The following MSRA variants were observed in gnomAD, a reference collection of about 807,000 sequenced individuals.
MSRA encodes mitochondrial peptide methionine sulfoxide reductase.
In MSRA, 54 loss-of-function variants were observed where a neutral mutation model predicts 31.3. The ratio of observed to expected loss-of-function variants is 1.73; its 90% CI spans 1.39 to 2.17. The LOEUF (loss-of-function observed/expected upper bound fraction) is 2.17, where lower values mean the gene tolerates loss of function less well. Ranked by LOEUF, MSRA falls within the 30% of genes most tolerant of loss-of-function variation. The probability of loss-of-function intolerance (pLI) is 0.00; values close to 1 mark genes in which losing one functional copy is unlikely to be tolerated. For synonymous variants in MSRA, 169 were observed against 116.5 expected (o/e 1.45, Z -2.90); for missense variants, 507 against 300.9 (o/e 1.69, Z -5.07).
At chr8:10,260,075 C>T (rs551671235) in intron 3 of MSRA, among the ~76,000 whole-genome samples, 33 of 152,260 alleles carry the variant, frequency 2.2e-4, no homozygotes, top group Admixed American at 1.5e-3. Context: ...TTCGGTTGGA[C>T]GGGACATAAA....
At position 10,327,681 on chromosome 8, in the gene MSRA, C is replaced by G. The variant is rs1054538395; in HGVS notation, c.543+7692C>G. 1.2e-4 allele frequency among the ~76,000 whole-genome samples: 18 copies of G among 152,066 alleles called. 1 individual carries two copies. The highest frequency in any genetic ancestry group is 2.9e-5 in the Non-Finnish European group (2 of 68,044). On this transcript the variant is annotated intron_variant, in intron 5 of 5. Transcript: ENST00000317173. Reference sequence around the variant, plus strand: ...GGGCACGGTGGCTCACGCCTGTAATCCCAGCACTTTGGGAAGCCAAGGCAG... The same window carrying G: ...GGGCACGGTGGCTCACGCCTGTAATGCCAGCACTTTGGGAAGCCAAGGCAG...
chr8:10,135,719 G>C (rs1488338560), intron 1 of MSRA, among the ~76,000 whole-genome samples: 1 of 152,146 alleles, frequency 6.6e-6, no homozygotes, highest in Non-Finnish European at 1.5e-5. Context: ...CCATTTTTAT[G>C]GGCAAAGAGA....
At chr8:10,306,077 A>G (rs1305472491) in intron 4 of MSRA, among the ~76,000 whole-genome samples, 3 of 152,180 alleles carry the variant, frequency 2.0e-5, no homozygotes, top group African/African-American at 7.2e-5. Context: ...TGGCAGGTGT[A>G]CATTCCTGGC....
intron 1 of MSRA, among the ~76,000 whole-genome samples, chr8:10,166,264 A>G (rs1050371519): frequency 2.0e-4 from 30 of 152,124 alleles, no homozygotes; most frequent in African/African-American, 6.8e-4. Context: ...AACTCAGAAT[A>G]TTATTAATGA....
chr8:10,229,429 A>G (rs1811274338), intron 2 of MSRA, among the ~76,000 whole-genome samples: 2 of 152,150 alleles, frequency 1.3e-5, no homozygotes, highest in Non-Finnish European at 2.9e-5. Context: ...AGGCTGCAGT[A>G]TGGTACGTTT....
At chr8:10,364,237 G>C (rs560034258) in intron 5 of MSRA, among the ~76,000 whole-genome samples, 1 of 152,134 alleles carries the variant, frequency 6.6e-6, no homozygotes, top group African/African-American at 2.4e-5. Context: ...CAGTCATTTC[G>C]GACTGTGGTG....
intron 2 of MSRA, among the ~76,000 whole-genome samples, chr8:10,240,754 C>G (rs1041737952): frequency 2.6e-5 from 4 of 152,130 alleles, no homozygotes; most frequent in African/African-American, 7.2e-5. Context: ...CCTGGCCACT[C>G]TAGAGTAAGG....
At chr8:10,322,492 G>T (rs1415603255) in intron 5 of MSRA, among the ~76,000 whole-genome samples, 3 of 152,130 alleles carry the variant, frequency 2.0e-5, no homozygotes, top group African/African-American at 7.2e-5. Context: ...GTGATTTTTT[G>T]TACAAGTGTA....
intron 1 of MSRA, among the ~76,000 whole-genome samples, chr8:10,124,025 A>G (rs986364789): frequency 1.8e-4 from 27 of 151,884 alleles, no homozygotes; most frequent in South Asian, 4.2e-4. Flanking sequence ...AGGTTGGGGA[A>G]TGGCCCTTTG....
At chr8:10,124,425 T>G (rs1474898079) in intron 1 of MSRA, among the ~76,000 whole-genome samples, 3 of 152,210 alleles carry the variant, frequency 2.0e-5, no homozygotes, top group African/African-American at 4.8e-5. Flanking sequence ...AGCACAAAAT[T>G]TGTGCTTTTG....
chr8:10,222,529 T>C (rs1563236161), intron 2 of MSRA, among the ~76,000 whole-genome samples: 1 of 152,108 alleles, frequency 6.6e-6, no homozygotes, highest in Non-Finnish European at 1.5e-5. Context: ...GAAATCACTA[T>C]CTCAGAGATA....
chr8:10,284,365 G>T (rs944070864), intron 3 of MSRA, among the ~76,000 whole-genome samples: 5 of 151,158 alleles, frequency 3.3e-5, no homozygotes, highest in African/African-American at 1.2e-4. Context: ...ATTTTTTTTT[G>T]GATTTTTACT....
intron 3 of MSRA, among the ~76,000 whole-genome samples, chr8:10,271,314 C>T (rs1799025604): frequency 1.3e-5 from 2 of 152,106 alleles, no homozygotes; most frequent in South Asian, 4.1e-4. Flanking sequence ...ATTTGGGATA[C>T]ACTAAGGACA....
chr8:10,393,017 G>T (rs1337656146), intron 5 of MSRA, among the ~76,000 whole-genome samples: 1 of 144,764 alleles, frequency 6.9e-6, no homozygotes, highest in African/African-American at 2.6e-5. Flanking sequence ...AGCCGAGATA[G>T]CGCCGCTGCA....
intron 1 of MSRA, among the ~76,000 whole-genome samples, chr8:10,185,140 C>CA (rs2129051463): frequency 6.6e-6 from 1 of 152,324 alleles, no homozygotes; most frequent in East Asian, 1.9e-4. Context: ...GCTGATCTCT[C>CA]ATCTCTGGAG....
intron 1 of MSRA, among the ~76,000 whole-genome samples, chr8:10,129,111 A>G (rs1801713036): frequency 1.3e-5 from 2 of 152,330 alleles, no homozygotes; most frequent in Admixed American, 1.3e-4. Flanking sequence ...TGATGATTCC[A>G]TCATCCAGAA....
intron 1 of MSRA, among the ~76,000 whole-genome samples, chr8:10,094,155 T>G (rs977415473): frequency 9.9e-5 from 15 of 152,222 alleles, no homozygotes; most frequent in African/African-American, 3.6e-4. Context: ...TTGTCAGTGC[T>G]TTAATTCAAC....
intron 1 of MSRA, among the ~76,000 whole-genome samples, chr8:10,155,002 T>TTATA (rs528753270): frequency 1.6e-5 from 2 of 123,900 alleles, no homozygotes; most frequent in African/African-American, 6.5e-5. Flanking sequence ...TGTATATATT[T>TTATA]TATATATATA....
intron 3 of MSRA, 152 bp downstream of exon 3, chr8:10,245,375 C>T: frequency 1.4e-6 from 1 of 730,734 alleles, no homozygotes; most frequent in Non-Finnish European, 2.1e-6. Flanking sequence ...GTGAGCTTCT[C>T]ACTTTATATG....
Sources: gnomAD v4.1 joint callset for allele counts (sites outside exome capture counted in the v4.1 genomes callset) on GRCh38, gnomAD v4.1.1 for gene constraint, MANE v1.5 for transcripts, NCBI Gene and HGNC (gene_info 2026-07-23, HGNC 2026-07-21) for gene names.